RANBP2: variants seen among roughly 807,000 people sequenced by gnomAD.
RANBP2 encodes RAN binding protein 2.
A neutral mutation model predicts 303.6 loss-of-function variants in RANBP2; 57 were observed. The ratio of observed to expected loss-of-function variants is 0.19; its 90% CI spans 0.15 to 0.23. The LOEUF (loss-of-function observed/expected upper bound fraction) is 0.23. Among genes scored for constraint, RANBP2 ranks in the 10% least tolerant of loss-of-function variants. The pLI is 1.00. For synonymous variants in RANBP2, 1,167 were observed against 1,301.5 expected, an observed-to-expected ratio of 0.90 and a Z score of 2.23; for missense variants, 3,138 against 3,780.8, an observed-to-expected ratio of 0.83 and a Z score of 4.46.
chr2:109,767,031 A>G, the RANBP2 span, among the ~76,000 whole-genome samples: 1 of 141,060 alleles, frequency 7.1e-6, no homozygotes, highest in Non-Finnish European at 1.5e-5. Flanking sequence ...GCAGCTCATG[A>G]TTTTTCTCAT....
chr2:109,720,279 TCACA>T, the RANBP2 span, among the ~76,000 whole-genome samples: 2 of 143,876 alleles, frequency 1.4e-5, no homozygotes, highest in Admixed American at 7.0e-5. Context: ...ACACATACAC[TCACA>T]CACACACACA....
At chr2:109,204,635 C>T in the RANBP2 span, among the ~76,000 whole-genome samples, 1 of 152,248 alleles carries the variant, frequency 6.6e-6, no homozygotes, top group African/African-American at 2.4e-5. Flanking sequence ...CCAGGTGTGA[C>T]AACCCACACA....
the RANBP2 span, among the ~76,000 whole-genome samples, chr2:109,080,049 G>A: frequency 6.6e-6 from 1 of 152,220 alleles, no homozygotes; most frequent in Non-Finnish European, 1.5e-5. Context: ...CATCTCCTCC[G>A]ATGATTGTGG....
chr2:109,370,491 G>A, the RANBP2 span, among the ~76,000 whole-genome samples: 1 of 151,812 alleles, frequency 6.6e-6, no homozygotes, highest in South Asian at 2.1e-4. Flanking sequence ...CACCCGCCTC[G>A]ACCTCCCAAA....
At chr2:108,913,311 T>C in the RANBP2 span, among the ~76,000 whole-genome samples, 1 of 151,926 alleles carries the variant, frequency 6.6e-6, no homozygotes. Flanking sequence ...ACAGTGTGGG[T>C]TGGGGAGTTT....
chr2:109,499,137 C>A, the RANBP2 span, among the ~76,000 whole-genome samples: 92 of 152,180 alleles, frequency 6.0e-4, no homozygotes, highest in African/African-American at 2.2e-3. Flanking sequence ...GGGCAGCCGC[C>A]AGGACCAGGA....
the RANBP2 span, among the ~76,000 whole-genome samples, chr2:109,518,043 C>T: frequency 6.6e-6 from 1 of 152,214 alleles, no homozygotes; most frequent in Non-Finnish European, 1.5e-5. Flanking sequence ...AGCTGCAACT[C>T]GCTTACCTGG....
At chr2:109,314,050 A>G in the RANBP2 span, among the ~76,000 whole-genome samples, 36 of 152,230 alleles carry the variant, frequency 2.4e-4, 2 homozygotes, top group South Asian at 7.5e-3. Context: ...GGAAGAGGCT[A>G]TGGGGGAAGA....
At chr2:108,746,875 T>C (rs1173277024) in intron 8 of RANBP2, 77 bp downstream of exon 8, 26 of 611,144 alleles carry the variant, frequency 4.3e-5, no homozygotes, top group South Asian at 8.3e-5. Flanking sequence ...GATAAAATCT[T>C]CATCTGTCCA....
chr2:109,452,336 T>A, the RANBP2 span, among the ~76,000 whole-genome samples: 1 of 152,172 alleles, frequency 6.6e-6, no homozygotes, highest in Non-Finnish European at 1.5e-5. Context: ...GGCAACTTGA[T>A]CATAGATGTA....
At chr2:109,326,491 G>A in the RANBP2 span, among the ~76,000 whole-genome samples, 3 of 152,092 alleles carry the variant, frequency 2.0e-5, no homozygotes, top group Admixed American at 6.5e-5. Context: ...TTCCTTCTGC[G>A]CCCTTGCCGA....
At chr2:108,779,743 G>A (rs1678115220) in intron 25 of RANBP2, among the ~76,000 whole-genome samples, 1 of 152,120 alleles carries the variant, frequency 6.6e-6, no homozygotes, top group Non-Finnish European at 1.5e-5. Flanking sequence ...CTTCTTGCAG[G>A]TATGCGAGAG....
At chr2:108,948,727 T>C in the RANBP2 span, among the ~76,000 whole-genome samples, 4 of 152,156 alleles carry the variant, frequency 2.6e-5, no homozygotes, top group Non-Finnish European at 4.4e-5. Context: ...GCTCCCATGA[T>C]CCAACCACCT....
chr2:109,193,675 C>G, the RANBP2 span, among the ~76,000 whole-genome samples: 4 of 152,070 alleles, frequency 2.6e-5, no homozygotes, highest in Non-Finnish European at 4.4e-5. Flanking sequence ...TTGTTTCTAC[C>G]TCTACATTTA....
At chr2:109,320,395 G>GT in the RANBP2 span, among the ~76,000 whole-genome samples, 1 of 152,290 alleles carries the variant, frequency 6.6e-6, no homozygotes, top group East Asian at 1.9e-4. Context: ...TCTCACCACA[G>GT]TGAGTGCAAA....
At chr2:109,588,413 T>C in the RANBP2 span, among the ~76,000 whole-genome samples, 1 of 152,186 alleles carries the variant, frequency 6.6e-6, no homozygotes, top group Non-Finnish European at 1.5e-5. Context: ...CATGCACAAG[T>C]AAAATGTATA....
intron 19 of RANBP2, 27 bp downstream of exon 19, chr2:108,762,222 A>G (rs1296621823): frequency 6.5e-7 from 1 of 1,529,618 alleles, no homozygotes; most frequent in Admixed American, 2.0e-5. Flanking sequence ...TTATACATTT[A>G]TAATTATTTC....
the RANBP2 span, among the ~76,000 whole-genome samples, chr2:109,358,438 T>G: frequency 6.6e-6 from 1 of 152,254 alleles, no homozygotes; most frequent in South Asian, 2.1e-4. Context: ...CTAGTTTGCA[T>G]GGTAAAAGCA....
At chr2:109,119,299 A>C in the RANBP2 span, among the ~76,000 whole-genome samples, 3 of 152,216 alleles carry the variant, frequency 2.0e-5, no homozygotes, top group African/African-American at 7.2e-5. Context: ...GACCACCATC[A>C]TCCTGTCCGT....
Sources: allele counts gnomAD v4.1 joint callset (sites outside exome capture counted in the v4.1 genomes callset), GRCh38; gene constraint gnomAD v4.1.1; transcripts MANE v1.5; gene names NCBI Gene and HGNC (gene_info 2026-07-23, HGNC 2026-07-21).